The following COG5 variants were observed in gnomAD, a reference collection of about 807,000 sequenced individuals.
COG5 encodes the protein conserved oligomeric Golgi complex subunit 5.
Under a neutral mutation model 110.4 loss-of-function variants are expected in COG5, and 86 were observed. The ratio of observed to expected loss-of-function variants is 0.78; its 90% CI spans 0.65 to 0.93. COG5 has a LOEUF of 0.93. Among genes scored for constraint, COG5 ranks in the 40% least tolerant of loss-of-function variants. The pLI is 0.00. For synonymous variants in COG5, 360 were observed against 334.6 expected (o/e 1.08, Z -0.83); for missense variants, 1,077 against 987.0 (o/e 1.09, Z -1.22).
At chr7:107,361,197 A>G (rs953757966) in intron 10 of COG5, among the ~76,000 whole-genome samples, 2 of 152,236 alleles carry the variant, frequency 1.3e-5, no homozygotes, top group African/African-American at 4.8e-5. Flanking sequence ...TATCAAAAAC[A>G]CATCAATATA....
chr7:107,275,858 T>C (rs1804664839), intron 14 of COG5, among the ~76,000 whole-genome samples: 1 of 152,096 alleles, frequency 6.6e-6, no homozygotes, highest in African/African-American at 2.4e-5. Flanking sequence ...AAAATTGAAC[T>C]CATATTTGAG....
chr7:107,264,009 T>C (rs901835904), intron 14 of COG5, among the ~76,000 whole-genome samples: 3 of 152,216 alleles, frequency 2.0e-5, no homozygotes, highest in African/African-American at 2.4e-5. Context: ...AGTTATAAAG[T>C]TGATGGCTCC....
chr7:107,505,421 G>A (rs1798923597), intron 6 of COG5, among the ~76,000 whole-genome samples: 1 of 152,174 alleles, frequency 6.6e-6, no homozygotes, highest in South Asian at 2.1e-4. Flanking sequence ...TTCAAGTGGA[G>A]AGGAATTGTG....
chr7:107,207,565 C>T (rs575605343), intron 21 of COG5, among the ~76,000 whole-genome samples: 3 of 152,326 alleles, frequency 2.0e-5, no homozygotes, highest in Admixed American at 1.3e-4. Context: ...CCAACCCCAC[C>T]GCTGTTACAG....
intron 7 of COG5, among the ~76,000 whole-genome samples, chr7:107,399,523 C>A (rs1468916496): frequency 6.6e-6 from 1 of 152,138 alleles, no homozygotes; most frequent in Non-Finnish European, 1.5e-5. Context: ...CTCTCTCTTG[C>A]CTGCCACCAT....
chr7:107,359,180 C>A (rs1206911686), intron 10 of COG5, among the ~76,000 whole-genome samples: 3 of 152,206 alleles, frequency 2.0e-5, no homozygotes, highest in Non-Finnish European at 4.4e-5. Flanking sequence ...AAGCCCCCTG[C>A]CTCCACAGGC....
At position 107,323,572 on chromosome 7, in the gene COG5, T is replaced by C. The variant is rs79712535; in HGVS notation, c.1108+868A>G. On this transcript the variant is annotated intron_variant, in intron 11 of 21. Coordinates refer to ENST00000297135, the MANE Select transcript of COG5 (RefSeq NM_006348.5). ...AAGAAAACGAAACACTACAACTAAA[T>C]GGAGTAAATGGATCCTAATATCCCA... Among the ~76,000 whole-genome samples the C allele has an allele frequency of 2.9e-3, 440 of 152,220 alleles. 29 individuals are homozygous for C. In the East Asian group the frequency reaches 0.08, roughly 28 times the overall value.
chr7:107,432,980 G>C (rs147614304), intron 6 of COG5, among the ~76,000 whole-genome samples: 1 of 151,900 alleles, frequency 6.6e-6, no homozygotes, highest in African/African-American at 2.4e-5. Flanking sequence ...CGAATTTAGC[G>C]AAGTTGTAGG....
chr7:107,472,109 T>C (rs1796669488), intron 6 of COG5: 2 of 152,062 alleles, frequency 1.3e-5, no homozygotes. Flanking sequence ...AAGGGAAACA[T>C]AATTCCTATC....
rs76146590 is a variant in COG5, at chr7:107,344,058, T to G, written c.1026+17975A>C. Among the ~76,000 whole-genome samples the G allele has an allele frequency of 5.3e-3, 814 of 152,262 alleles. 8 individuals carry two copies. The highest frequency in any genetic ancestry group is 0.019 in the African/African-American group (792 of 41,534). On this transcript the variant is annotated intron_variant, in intron 10 of 21. Transcript: ENST00000297135. ...TAAATTAGCACTGGTTTCCACTTAA[T>G]GTTACCAGGGGCATTAGACCTAAAA...
At chr7:107,298,669 C>G (rs532374416) in intron 11 of COG5, among the ~76,000 whole-genome samples, 1 of 152,096 alleles carries the variant, frequency 6.6e-6, no homozygotes, top group Non-Finnish European at 1.5e-5. Flanking sequence ...AACTGGACAG[C>G]GCTAACACCC....
At position 107,359,765 on chromosome 7, in the gene COG5, G is replaced by A. The variant is rs553105495; in HGVS notation, c.1026+2268C>T. On this transcript the variant is annotated intron_variant, in intron 10 of 21. Coordinates refer to ENST00000297135, the MANE Select transcript of COG5 (RefSeq NM_006348.5). ...CTGTACTGAGGGCTGCACAAACAAC[G>A]GGATGACCTGCCAGCAGATACAAGC... Among the ~76,000 whole-genome samples the A allele has an allele frequency of 6.7e-5, 10 of 148,606 alleles. 1 individual carries two copies. The highest frequency in any genetic ancestry group is 3.7e-3 in the Middle Eastern group (1 of 268).
intron 1 of COG5, among the ~76,000 whole-genome samples, chr7:107,561,468 G>A (rs1048911890): frequency 6.6e-6 from 1 of 152,140 alleles, no homozygotes; most frequent in African/African-American, 2.4e-5. Context: ...TAAAAAGCAC[G>A]GCACCCATAA....
intron 7 of COG5, among the ~76,000 whole-genome samples, chr7:107,374,006 C>A (rs1274643690): frequency 4.6e-5 from 7 of 151,910 alleles, no homozygotes; most frequent in Non-Finnish European, 1.5e-5. Flanking sequence ...TGGTGAATAA[C>A]AATACTCATT....
chr7:107,394,580 T>TA (rs1790853662), intron 7 of COG5, among the ~76,000 whole-genome samples: 1 of 152,224 alleles, frequency 6.6e-6, no homozygotes, highest in African/African-American at 2.4e-5. Context: ...GCAAGACTGC[T>TA]ATAAAGATTG....
intron 11 of COG5, among the ~76,000 whole-genome samples, chr7:107,301,015 A>G (rs1807218009): frequency 6.6e-6 from 1 of 152,200 alleles, no homozygotes; most frequent in South Asian, 2.1e-4. Flanking sequence ...GACAGACTGA[A>G]TTTTGACAAA....
chr7:107,375,909 C>A (rs567890306), intron 7 of COG5, among the ~76,000 whole-genome samples: 1 of 152,044 alleles, frequency 6.6e-6, no homozygotes, highest in East Asian at 1.9e-4. Context: ...ATAAAGATAT[C>A]TTTCATTCAT....
At chr7:107,272,002 G>T (rs1391146013) in intron 14 of COG5, among the ~76,000 whole-genome samples, 1 of 151,982 alleles carries the variant, frequency 6.6e-6, no homozygotes, top group African/African-American at 2.4e-5. Flanking sequence ...TTAAATGTTT[G>T]CTGTTTAACT....
intron 19 of COG5, among the ~76,000 whole-genome samples, chr7:107,212,442 A>C (rs144245951): frequency 2.0e-4 from 30 of 152,370 alleles, no homozygotes; most frequent in African/African-American, 7.0e-4. Context: ...GCAGAGCTTT[A>C]GGTGATAATT....
Sources: allele counts gnomAD v4.1 joint callset (sites outside exome capture counted in the v4.1 genomes callset), GRCh38; gene constraint gnomAD v4.1.1; transcripts MANE v1.5; gene names NCBI Gene and HGNC (gene_info 2026-07-23, HGNC 2026-07-21).